CNTNAP2: variants seen among roughly 807,000 people sequenced by gnomAD.
The protein encoded by CNTNAP2 is contactin associated protein 2, also known as contactin-associated protein-like 2.
A neutral mutation model predicts 155.2 loss-of-function variants in CNTNAP2; 98 were observed. That is an observed-to-expected ratio of 0.63 (90% CI 0.54 to 0.75). The LOEUF is 0.75. Among genes scored for constraint, CNTNAP2 ranks in the 30% least tolerant of loss-of-function variants. The probability of loss-of-function intolerance (pLI) is 0.00; values close to 1 mark genes in which losing one functional copy is unlikely to be tolerated. For missense variants in CNTNAP2, 1,727 were observed against 1,688.1 expected, an observed-to-expected ratio of 1.02 and a Z score of -0.40; for synonymous variants, 651 against 631.2, an observed-to-expected ratio of 1.03 and a Z score of -0.47.
chr7:147,487,389 C>T (rs1798528777), intron 11 of CNTNAP2, among the ~76,000 whole-genome samples: 1 of 152,038 alleles, frequency 6.6e-6, no homozygotes. Flanking sequence ...TAAAATTGTT[C>T]CTTACCAATC....
intron 13 of CNTNAP2, among the ~76,000 whole-genome samples, chr7:147,861,411 A>C (rs1230901637): frequency 1.3e-5 from 2 of 152,222 alleles, no homozygotes; most frequent in Admixed American, 1.3e-4. Context: ...GCATAAATAA[A>C]TGCAAAATAA....
intron 1 of CNTNAP2, among the ~76,000 whole-genome samples, chr7:146,562,021 C>A (rs1448752906): frequency 6.6e-6 from 1 of 152,054 alleles, no homozygotes; most frequent in Non-Finnish European, 1.5e-5. Context: ...AATTCCTGGG[C>A]TCAAGCAATC....
chr7:147,734,052 G>T (rs1347775136), intron 13 of CNTNAP2, among the ~76,000 whole-genome samples: 1 of 152,264 alleles, frequency 6.6e-6, no homozygotes. Flanking sequence ...CCAACACTAT[G>T]TTCAATAGTA....
chr7:146,754,544 CTCTCTCTCTG>C (rs1337005533), intron 1 of CNTNAP2, among the ~76,000 whole-genome samples: 2 of 138,652 alleles, frequency 1.4e-5, no homozygotes, highest in African/African-American at 3.0e-5. Context: ...GTCTCTCTCT[CTCTCTCTCTG>C]TCTCTCTCTC....
chr7:146,541,930 A>C (rs1036433226), intron 1 of CNTNAP2, among the ~76,000 whole-genome samples: 1 of 152,028 alleles, frequency 6.6e-6, no homozygotes, highest in Non-Finnish European at 1.5e-5. Flanking sequence ...CTTAGTAACA[A>C]AAACTAACCG....
chr7:148,066,948 T>C (rs1445738495), intron 15 of CNTNAP2, among the ~76,000 whole-genome samples: 1 of 152,156 alleles, frequency 6.6e-6, no homozygotes, highest in African/African-American at 2.4e-5. Context: ...TTTCCAGAAG[T>C]TTTGATTGTC....
chr7:146,316,758 ATTT>A (rs112549607), intron 1 of CNTNAP2, among the ~76,000 whole-genome samples: 1 of 145,770 alleles, frequency 6.9e-6, no homozygotes, highest in African/African-American at 2.5e-5. Context: ...AGGTTTTTTA[ATTT>A]TTTTTTTTTT....
chr7:148,001,294 G>A (rs1801892037), intron 15 of CNTNAP2, among the ~76,000 whole-genome samples: 1 of 152,146 alleles, frequency 6.6e-6, no homozygotes, highest in Admixed American at 6.5e-5. Context: ...TGTCTCCTGG[G>A]TCCTAGCCTT....
At chr7:146,491,586 A>G (rs1463111384) in intron 1 of CNTNAP2, among the ~76,000 whole-genome samples, 1 of 152,144 alleles carries the variant, frequency 6.6e-6, no homozygotes, top group African/African-American at 2.4e-5. Context: ...AAGGATGCAC[A>G]CGAAAGGCTT....
intron 20 of CNTNAP2, among the ~76,000 whole-genome samples, chr7:148,232,233 A>G (rs1487967922): frequency 1.3e-5 from 2 of 152,252 alleles, no homozygotes; most frequent in African/African-American, 4.8e-5. Context: ...CTTATGGAAA[A>G]GCAGATCCCA....
intron 13 of CNTNAP2, among the ~76,000 whole-genome samples, chr7:147,728,017 C>G (rs9986848): frequency 0.4 from 60,530 of 151,784 alleles, 14,416 homozygotes; most frequent in African/African-American, 0.66. Flanking sequence ...GACCACAAAT[C>G]TTATTCTTGT....
chr7:146,243,005 T>G (rs775608949), intron 1 of CNTNAP2, among the ~76,000 whole-genome samples: 1 of 152,182 alleles, frequency 6.6e-6, no homozygotes, highest in Non-Finnish European at 1.5e-5. Flanking sequence ...TTTTTGCTGT[T>G]TTTAGACATA....
rs573257840 is a variant in CNTNAP2 at position 148,152,816 on chromosome 7, C to T, written c.2773+5107C>T. Among the ~76,000 whole-genome samples the T allele has an allele frequency of 1.1e-4, 17 of 152,032 alleles. No individual in the cohort carries two copies. The South Asian group carries it at 3.3e-3, about 30-fold the overall frequency. On this transcript the variant is annotated intron_variant, in intron 17 of 23. Coordinates refer to ENST00000361727, the MANE Select transcript of CNTNAP2 (RefSeq NM_014141.6). ...TGGGGGGATCACGAAGTCAGGAGATCGAGACCATCCTGGCTAGCACGGTGA... is the reference window on the plus strand; with the variant it reads ...TGGGGGGATCACGAAGTCAGGAGATTGAGACCATCCTGGCTAGCACGGTGA...
intron 3 of CNTNAP2, among the ~76,000 whole-genome samples, chr7:146,974,482 C>T (rs574005182): frequency 5.9e-5 from 9 of 151,994 alleles, no homozygotes; most frequent in Admixed American, 1.3e-4. Context: ...AAGTCAGTTA[C>T]TTATTTACCT....
chr7:146,308,909 T>C (rs1285304939), intron 1 of CNTNAP2, among the ~76,000 whole-genome samples: 1 of 152,114 alleles, frequency 6.6e-6, no homozygotes, highest in African/African-American at 2.4e-5. Flanking sequence ...CACACCAACA[T>C]GGCACATGTG....
chr7:147,457,660 A>G (rs1195603544), intron 10 of CNTNAP2, among the ~76,000 whole-genome samples: 1 of 152,162 alleles, frequency 6.6e-6, no homozygotes, highest in East Asian at 1.9e-4. Flanking sequence ...TATTGGTTAA[A>G]TAAATGAATG....
At chr7:148,366,715 G>C (rs190012891) in intron 21 of CNTNAP2, among the ~76,000 whole-genome samples, 1 of 152,286 alleles carries the variant, frequency 6.6e-6, no homozygotes, top group East Asian at 1.9e-4. Context: ...CCAGGAGTAA[G>C]AGGCCATCAT....
chr7:146,972,053 A>G (rs528373462), intron 3 of CNTNAP2, among the ~76,000 whole-genome samples: 3 of 152,190 alleles, frequency 2.0e-5, no homozygotes, highest in South Asian at 2.1e-4. Flanking sequence ...CTTGACATGT[A>G]CACTTGTTAA....
intron 16 of CNTNAP2, among the ~76,000 whole-genome samples, chr7:148,138,700 G>A (rs987476630): frequency 6.6e-6 from 1 of 152,142 alleles, no homozygotes; most frequent in Non-Finnish European, 1.5e-5. Flanking sequence ...TATCCCCAGA[G>A]TAACCATCTG....
Sources: gnomAD v4.1 joint callset for allele counts (sites outside exome capture counted in the v4.1 genomes callset) on GRCh38, gnomAD v4.1.1 for gene constraint, MANE v1.5 for transcripts, NCBI Gene and HGNC (gene_info 2026-07-23, HGNC 2026-07-21) for gene names.